PELI2: variants seen among roughly 807,000 people sequenced by gnomAD.
PELI2 encodes E3 ubiquitin-protein ligase pellino homolog 2.
In PELI2, 23 loss-of-function variants were observed where a neutral mutation model predicts 42.3. The ratio of observed to expected loss-of-function variants is 0.54; its 90% confidence interval spans 0.39 to 0.77. PELI2 has a LOEUF of 0.77. Ranked by LOEUF, PELI2 falls within the 30% of genes least tolerant of loss-of-function variation. PELI2 has a pLI of 0.00. For missense variants in PELI2, 463 were observed against 553.2 expected (o/e 0.84, Z 1.64); for synonymous variants, 245 against 212.2 (o/e 1.15, Z -1.34).
intron 4 of PELI2, among the ~76,000 whole-genome samples, chr14:56,289,220 TTCCCACATAAGAA>T (rs1889745148): frequency 6.6e-6 from 1 of 152,178 alleles, no homozygotes; most frequent in Non-Finnish European, 1.5e-5. Flanking sequence ...AAATGTACTA[TTCCCACATAAGAA>T]GTGCCGATGA....
intron 1 of PELI2, among the ~76,000 whole-genome samples, chr14:56,124,792 C>T (rs547038944): frequency 1.6e-4 from 24 of 152,196 alleles, no homozygotes; most frequent in African/African-American, 4.6e-4. Flanking sequence ...GAGTGCTTTC[C>T]GAAGAAGGTT....
At chr14:56,259,720 A>T (rs1028307233) in intron 2 of PELI2, among the ~76,000 whole-genome samples, 2 of 152,180 alleles carry the variant, frequency 1.3e-5, no homozygotes, top group Non-Finnish European at 2.9e-5. Flanking sequence ...GATTATGCAC[A>T]TAGAAAATCC....
chr14:56,192,410 G>A (rs1268992349), intron 2 of PELI2, among the ~76,000 whole-genome samples: 7 of 152,206 alleles, frequency 4.6e-5, no homozygotes, highest in Admixed American at 4.6e-4. Context: ...ACCATTGGCA[G>A]TTTGGGCCAG....
chr14:56,140,256 C>T (rs909597452), intron 1 of PELI2, among the ~76,000 whole-genome samples: 2 of 152,188 alleles, frequency 1.3e-5, no homozygotes, highest in African/African-American at 2.4e-5. Flanking sequence ...ATAACAGCCT[C>T]CTCCTCCCAA....
rs147629196 is a variant in PELI2 at position 56,150,662 on chromosome 14, G to T, written c.78-27673G>T. ...TTTCCAAGATTCTAAATATTTGAAG[G>T]GCTGTCAGCTAGAAAAGTGGCAGAT... On this transcript the variant is annotated intron_variant, in intron 1 of 5. Coordinates refer to ENST00000267460, the MANE Select transcript of PELI2 (RefSeq NM_021255.3). Among the ~76,000 whole-genome samples the T allele has an allele frequency of 8.5e-5, 13 of 152,212 alleles. No individual in the cohort carries two copies. The East Asian group carries it at 2.5e-3, about 29-fold the overall frequency.
chr14:56,282,405 T>C (rs932329361), intron 3 of PELI2, among the ~76,000 whole-genome samples: 2 of 152,100 alleles, frequency 1.3e-5, no homozygotes, highest in Non-Finnish European at 2.9e-5. Flanking sequence ...TATTAAATGT[T>C]AATTTAATAT....
Position 56,124,381 on chromosome 14 carries a change from G to C in PELI2, c.77+5644G>C, listed in dbSNP as rs114121382. On this transcript the variant is annotated intron_variant, in intron 1 of 5. Transcript: ENST00000267460. ...TGTTTTCTCAAGTGGGAGAGAAAGG[G>C]GTGGAGTTACATCAGGCAAGCCAGG... Among the ~76,000 whole-genome samples, 622 of 152,272 alleles carry C rather than the reference G, an allele frequency of 4.1e-3. 4 individuals are homozygous for C. Among genetic ancestry groups the C allele is most frequent in the African/African-American group, 0.014 (599 of 41,550 alleles).
At chr14:56,205,382 G>A (rs1033750674) in intron 2 of PELI2, among the ~76,000 whole-genome samples, 1 of 152,170 alleles carries the variant, frequency 6.6e-6, no homozygotes, top group Non-Finnish European at 1.5e-5. Context: ...TCTTGCTTAA[G>A]TGAGCCTATG....
intron 1 of PELI2, among the ~76,000 whole-genome samples, chr14:56,133,335 G>C (rs1883565168): frequency 6.6e-6 from 1 of 152,104 alleles, no homozygotes; most frequent in South Asian, 2.1e-4. Context: ...GCAAGTTGAG[G>C]GGGCAGCATC....
At chr14:56,153,964 T>G (rs1021385462) in intron 1 of PELI2, among the ~76,000 whole-genome samples, 4 of 152,208 alleles carry the variant, frequency 2.6e-5, no homozygotes, top group African/African-American at 9.6e-5. Context: ...TGAGTAATAC[T>G]GTACCATTAG....
chr14:56,178,665 T>C (rs139118820), intron 2 of PELI2, among the ~76,000 whole-genome samples: 1 of 152,324 alleles, frequency 6.6e-6, no homozygotes, highest in East Asian at 1.9e-4. Context: ...ACCCGCTAAG[T>C]GCCAGTAGCA....
Position 56,140,105 on chromosome 14 carries a change from A to C in PELI2, c.77+21368A>C, listed in dbSNP as rs528863506. Among the ~76,000 whole-genome samples the C allele has an allele frequency of 1.3e-3, 202 of 152,026 alleles. 2 individuals are homozygous for C. Among genetic ancestry groups the C allele is most frequent in the African/African-American group, 4.7e-3 (195 of 41,464 alleles). Reference sequence around the variant, plus strand: ...AAGTATAGCTCTGTTGATTATAGCTAAATCACCCGTCATGCCTCAAACATG... The same window carrying C: ...AAGTATAGCTCTGTTGATTATAGCTCAATCACCCGTCATGCCTCAAACATG... On this transcript the variant is annotated intron_variant, in intron 1 of 5. Transcript: ENST00000267460.
intron 1 of PELI2, among the ~76,000 whole-genome samples, chr14:56,169,941 A>C (rs2147538): frequency 6.6e-6 from 1 of 152,202 alleles, no homozygotes; most frequent in Non-Finnish European, 1.5e-5. Flanking sequence ...GCTTATTGGC[A>C]TATGGGCATT....
chr14:56,118,758 T>G, intron 1 of PELI2, 21 bp downstream of exon 1: 1 of 1,456,382 alleles, frequency 6.9e-7, no homozygotes, highest in Non-Finnish European at 9.2e-7. Context: ...GGGTCCCTGG[T>G]CCCGGGCAGC....
intron 3 of PELI2, among the ~76,000 whole-genome samples, chr14:56,283,855 A>C (rs1594713673): frequency 6.6e-6 from 1 of 152,216 alleles, no homozygotes; most frequent in African/African-American, 2.4e-5. Flanking sequence ...GTGGCAGATC[A>C]TTTTAAGCAG....
intron 2 of PELI2, among the ~76,000 whole-genome samples, chr14:56,184,328 A>G (rs1451682151): frequency 6.6e-6 from 1 of 152,106 alleles, no homozygotes; most frequent in Non-Finnish European, 1.5e-5. Context: ...AATACAGGAA[A>G]CTGTGATGGA....
intron 1 of PELI2, among the ~76,000 whole-genome samples, chr14:56,156,275 A>G (rs888006252): frequency 1.8e-4 from 28 of 152,298 alleles, no homozygotes; most frequent in African/African-American, 6.7e-4. Context: ...ATGTGTCCCT[A>G]GAAAAAATGC....
In PELI2 at chr14:56,180,566, G is replaced by C. The variant is rs1885542329; in HGVS notation, c.207+2102G>C. ...GGTCTCCCCTGGGTCACCGAACTAT[G>C]ACCAAGGGAGATGGGCAAACTAAGA... On this transcript the variant is annotated intron_variant, in intron 2 of 5. Transcript: ENST00000267460. This position sits in a 1 kb window ranked among gnomAD's most constrained non-coding sequence, Gnocchi z 4.4. Among the ~76,000 whole-genome samples the C allele has an allele frequency of 6.6e-6, 1 of 152,288 alleles. No individual in the cohort carries two copies. Among genetic ancestry groups the C allele is most frequent in the African/African-American group, 2.4e-5 (1 of 41,558 alleles).
chr14:56,240,939 T>C (rs1206318389), intron 2 of PELI2, among the ~76,000 whole-genome samples: 1 of 152,202 alleles, frequency 6.6e-6, no homozygotes, highest in Non-Finnish European at 1.5e-5. Context: ...TTCCACTGCA[T>C]TATCTTTATA....
Sources: allele counts gnomAD v4.1 joint callset (sites outside exome capture counted in the v4.1 genomes callset), GRCh38; gene constraint gnomAD v4.1.1; non-coding constraint Gnocchi (gnomAD v3.1); transcripts MANE v1.5; gene names NCBI Gene and HGNC (gene_info 2026-07-23, HGNC 2026-07-21).